Variants in YTHDC1 observed in about 807,000 individuals in gnomAD.
YTHDC1 encodes YTH domain-containing protein 1.
In YTHDC1, 12 loss-of-function variants were observed where a neutral mutation model predicts 107.0. That is an observed-to-expected ratio of 0.11 (90% CI 0.07 to 0.18). YTHDC1 has a LOEUF of 0.18. YTHDC1 is among the 10% of genes least tolerant of loss of function. The probability of loss-of-function intolerance (pLI) is 1.00; values close to 1 mark genes in which losing one functional copy is unlikely to be tolerated. For synonymous variants in YTHDC1, 280 were observed against 289.5 expected (o/e 0.97, Z 0.33); for missense variants, 635 against 898.8 (o/e 0.71, Z 3.75).
chr4:68,320,260 A>G, intron 11 of YTHDC1, 55 bp from the exon 12 acceptor site: 5 of 1,327,858 alleles, frequency 3.8e-6, no homozygotes, highest in Non-Finnish European at 5.2e-6. Context: ...GAGAACAAAG[A>G]GTAAAGCAAG....
Position 68,338,657 on chromosome 4 carries a change from C to G in YTHDC1, c.29-273G>C, listed in dbSNP as rs141027197. 2.0e-4 allele frequency among the ~76,000 whole-genome samples: 30 copies of G among 152,304 alleles called. 1 individual carries two copies. The East Asian group carries it at 5.8e-3, about 29-fold the overall frequency. ...CGTGACGCCAGGAGTTTGAGACCAGCCTGGCCAACATGGCAAAACCCTGCT... is the reference window on the plus strand; with the variant it reads ...CGTGACGCCAGGAGTTTGAGACCAGGCTGGCCAACATGGCAAAACCCTGCT... On this transcript the variant is annotated intron_variant, in intron 1 of 16. Coordinates refer to ENST00000344157, the MANE Select transcript of YTHDC1 (RefSeq NM_001031732.4).
At chr4:68,336,886 C>G in intron 4 of YTHDC1, 141 bp downstream of exon 4, 6 of 1,183,836 alleles carry the variant, frequency 5.1e-6, no homozygotes, top group Non-Finnish European at 6.8e-6. Context: ...GTATTTATAA[C>G]ATTCAAAAGC....
At chr4:68,328,412 C>CA (rs1723220311) in intron 9 of YTHDC1, among the ~76,000 whole-genome samples, 1 of 151,970 alleles carries the variant, frequency 6.6e-6, no homozygotes, top group Admixed American at 6.6e-5. Flanking sequence ...ATTTTGATTT[C>CA]AAAAAAACCA....
At position 68,349,886 on chromosome 4, in the gene YTHDC1, C is replaced by T; in HGVS notation, c.-133G>A. 2.5e-6 allele frequency: 3 copies of T among 1,213,360 alleles called. No individual in the cohort carries two copies. The highest frequency in any genetic ancestry group is 3.6e-6 in the Non-Finnish European group (3 of 841,164). 75.2% of individuals were successfully genotyped at this position (1,213,360 alleles called of 1,614,324 possible). A position where few individuals can be genotyped will look rare whatever the true frequency, so the allele number is the denominator to read the frequency against. ...CCCGGATACGCGCGTCGCACTTGGC[C>T]TCTTAACACTCAGCCTTCTCGACTC... On this transcript the variant is annotated 5_prime_UTR_variant, in exon 1 of 17. Transcript: ENST00000344157.
chr4:68,335,339 A>T (rs918683479), intron 4 of YTHDC1, among the ~76,000 whole-genome samples: 1 of 152,318 alleles, frequency 6.6e-6, no homozygotes, highest in South Asian at 2.1e-4. Context: ...CATGTTCCAC[A>T]TAAGGGATTT....
intron 15 of YTHDC1, among the ~76,000 whole-genome samples, chr4:68,318,065 AAGAC>A (rs1431677149): frequency 2.6e-5 from 4 of 152,158 alleles, no homozygotes; most frequent in Admixed American, 2.6e-4. Context: ...TTTAGTTTGA[AAGAC>A]AGCATACAAT....
chr4:68,341,711 T>G (rs1456556178), intron 1 of YTHDC1, among the ~76,000 whole-genome samples: 1 of 152,172 alleles, frequency 6.6e-6, no homozygotes, highest in Non-Finnish European at 1.5e-5. Context: ...AGTACTTTTC[T>G]CCATCACTGA....
At chr4:68,324,053 A>G (rs953418318) in intron 10 of YTHDC1, 86 bp downstream of exon 10, 1 of 1,228,250 alleles carries the variant, frequency 8.1e-7, no homozygotes, top group Non-Finnish European at 1.1e-6. Context: ...CTTTCATCAG[A>G]AACGGTTAAA....
chr4:68,325,940 C>T (rs1383944343), intron 9 of YTHDC1, among the ~76,000 whole-genome samples: 1 of 151,774 alleles, frequency 6.6e-6, no homozygotes, highest in African/African-American at 2.4e-5. Context: ...TTTTTTTTCC[C>T]CCTTTTCAGG....
chr4:68,310,396 A>G lies in YTHDC1; in HGVS notation c.*3703T>C, dbSNP rs1721214716. 1.3e-5 allele frequency: 2 copies of G among 152,254 alleles called. No individual in the cohort carries two copies. Among genetic ancestry groups the G allele is most frequent in the African/African-American group, 2.4e-5 (1 of 41,468 alleles). The allele number at this position is 152,254 out of a possible 1,614,324, so 9.4% of individuals were successfully genotyped here. A position where few individuals can be genotyped will look rare whatever the true frequency, so the allele number is the denominator to read the frequency against. Reference sequence around the variant, plus strand: ...TGTGTTTAAGACATAGTAGTATTTAAGATACATTTAATGTATTTATTAGTA... The same window carrying G: ...TGTGTTTAAGACATAGTAGTATTTAGGATACATTTAATGTATTTATTAGTA... On this transcript the variant is annotated 3_prime_UTR_variant, in exon 17 of 17. Transcript: ENST00000344157.
chr4:68,337,998 A>C, intron 2 of YTHDC1, 98 bp from the exon 3 acceptor site: 1 of 1,480,456 alleles, frequency 6.8e-7, no homozygotes, highest in South Asian at 1.4e-5. Flanking sequence ...GGAAGGGGGG[A>C]TAGGCCTCAT....
chr4:68,324,429 G>A (rs1016032010), intron 9 of YTHDC1, among the ~76,000 whole-genome samples: 2 of 152,174 alleles, frequency 1.3e-5, no homozygotes, highest in Admixed American at 6.5e-5. Context: ...TTAAGAGCAA[G>A]GGCTTGAGAA....
At chr4:68,320,694 T>C (rs1439397383) in intron 11 of YTHDC1, among the ~76,000 whole-genome samples, 1 of 152,158 alleles carries the variant, frequency 6.6e-6, no homozygotes, top group Admixed American at 6.5e-5. Flanking sequence ...AATTAAGAAT[T>C]TATTTTTCCT....
chr4:68,328,151 CT>C (rs530159655), intron 9 of YTHDC1, among the ~76,000 whole-genome samples: 86 of 152,092 alleles, frequency 5.7e-4, no homozygotes, highest in African/African-American at 2.0e-3. Context: ...TAAGAATTTC[CT>C]TATCAGTAAT....
Position 68,337,054 on chromosome 4 carries a change from T to C in YTHDC1, c.856A>G (p.Arg286Gly). The C allele has an allele frequency of 2.5e-6, 4 of 1,613,300 alleles. No individual in the cohort carries two copies. The highest frequency in any genetic ancestry group is 3.3e-4 in the Middle Eastern group (2 of 6,054). ...GATCCATCTGTGCCTGAACCAGATCTGACAGACCCATCTGTGAAGGAAACA... is the reference window on the plus strand; with the variant it reads ...GATCCATCTGTGCCTGAACCAGATCCGACAGACCCATCTGTGAAGGAAACA... ...ESVSFTDGSV[R>G]SGSGTDGSDE... The change falls in exon 4 of 17, where the codon AGA becomes GGA. Residue 286 changes from arginine to glycine, a missense_variant. Around this residue, in one of 5 missense-constraint regions of YTHDC1, gnomAD observed 294 missense variants for 312.3 expected, o/e 0.94. Transcript: ENST00000344157.
rs1724315955 is a variant in YTHDC1, at chr4:68,337,468, A to C, written c.460-18T>G. The C allele has an allele frequency of 6.2e-7, 1 of 1,610,234 alleles. No individual in the cohort carries two copies. Among genetic ancestry groups the C allele is most frequent in the African/African-American group, 1.3e-5 (1 of 74,688 alleles). ...CCAATTCTCTGATGTTTAAAGAAAAAGGGAATCAGCAGTCATATAAAAGAC... is the reference window on the plus strand; with the variant it reads ...CCAATTCTCTGATGTTTAAAGAAAACGGGAATCAGCAGTCATATAAAAGAC... On this transcript the variant is annotated intron_variant, in intron 3 of 16. Transcript: ENST00000344157.
At chr4:68,319,322 AAAAATGAAGATGTATACACTGAAAATG>A (rs1722195030) in intron 12 of YTHDC1, among the ~76,000 whole-genome samples, 2 of 152,236 alleles carry the variant, frequency 1.3e-5, no homozygotes, top group Admixed American at 1.3e-4. Flanking sequence ...CAAAAGTTGC[AAAAATGAAGATGTATACACTGAAAATG>A]AAAAATCGAT....
Position 68,337,582 on chromosome 4 carries a change from T to C in YTHDC1, c.449A>G (p.Asp150Gly). ...AATAATATTTACTACCTCAGAACCA[T>C]CTGGCGTAGGAGATTTGGCCCTCCT... The part of the protein sequence containing the change: ...PERRAKSPTP[D>G]GSERIGLEVD... The change falls in exon 3 of 17, where the codon GAT becomes GGT. Residue 150 changes from aspartate (D) to glycine (G), a missense_variant. Physicochemically the swap from Asp to Gly is moderately conservative, Grantham distance 94 (BLOSUM62 -1). This residue lies in a region of YTHDC1 where 294 missense variants were observed against 312.3 expected (regional missense o/e 0.94). Transcript: ENST00000344157. 1 of 1,607,416 alleles carries C rather than the reference T, an allele frequency of 6.2e-7. No individual in the cohort carries two copies. The highest frequency in any genetic ancestry group is 2.2e-5 in the East Asian group (1 of 44,852).
In YTHDC1 at chr4:68,329,998, T is replaced by A. The variant is rs2109710439; in HGVS notation, c.1349+4A>T. 6.2e-7 allele frequency: 1 copy of A among 1,607,570 alleles called. No individual in the cohort carries two copies. Among genetic ancestry groups the A allele is most frequent in the African/African-American group, 1.3e-5 (1 of 74,888 alleles). ...AGTTATCTATACTGAAGTGTATAAT[T>A]TACCTGCAAATCCAGTCAATTTTAA... On this transcript the variant is annotated splice_donor_region_variant and intron_variant, in intron 9 of 16. Coordinates refer to ENST00000344157, the MANE Select transcript of YTHDC1 (RefSeq NM_001031732.4).
Sources: allele counts gnomAD v4.1 joint callset (sites outside exome capture counted in the v4.1 genomes callset), GRCh38; gene constraint gnomAD v4.1.1; regional missense constraint gnomAD v4.1.1; transcripts MANE v1.5; gene names NCBI Gene and HGNC (gene_info 2026-07-23, HGNC 2026-07-21).